Variants in PKP2 observed in about 807,000 individuals in gnomAD.
PKP2 encodes plakophilin-2.
A neutral mutation model predicts 83.4 loss-of-function variants in PKP2; 73 were observed. That is an observed-to-expected ratio of 0.88 (90% CI 0.72 to 1.06). The LOEUF (loss-of-function observed/expected upper bound fraction) is 1.06. Among genes scored for constraint, PKP2 ranks in the 50% least tolerant of loss-of-function variants. The probability of loss-of-function intolerance (pLI) is 0.00; values close to 1 mark genes in which losing one functional copy is unlikely to be tolerated. For synonymous variants in PKP2, 409 were observed against 430.4 expected, an observed-to-expected ratio of 0.95 and a Z score of 0.62; for missense variants, 966 against 1,065.4, an observed-to-expected ratio of 0.91 and a Z score of 1.30.
chr12:32,891,703 C>T (rs564579199), intron 1 of PKP2, among the ~76,000 whole-genome samples: 2 of 152,240 alleles, frequency 1.3e-5, no homozygotes, highest in Admixed American at 6.5e-5. Flanking sequence ...TAATTTCCTG[C>T]GTCTTATCTG....
chr12:32,807,222 C>T lies in PKP2; in HGVS notation c.2014-4666G>A, dbSNP rs145338588. ...GAGTTCTGTAGATATCTATCAGGTC[C>T]GCTTGATCCAGAGCTGAGTTAACTC... On this transcript the variant is annotated intron_variant, in intron 9 of 12. Coordinates refer to ENST00000340811, the MANE Select transcript of PKP2 (RefSeq NM_001005242.3). Among the ~76,000 whole-genome samples, 620 of 152,132 alleles carry T rather than the reference C, an allele frequency of 4.1e-3. 5 individuals are homozygous for T. The highest frequency in any genetic ancestry group is 0.014 in the African/African-American group (593 of 41,530).
chr12:32,798,925 T>A (rs975588394), intron 10 of PKP2, among the ~76,000 whole-genome samples: 5 of 152,112 alleles, frequency 3.3e-5, no homozygotes, highest in African/African-American at 1.2e-4. Flanking sequence ...TGGGATCCAA[T>A]TAAACTAAAA....
chr12:32,805,550 T>C (rs930607818), intron 9 of PKP2, among the ~76,000 whole-genome samples: 1 of 152,232 alleles, frequency 6.6e-6, no homozygotes, highest in African/African-American at 2.4e-5. Context: ...GCACCGTTTA[T>C]TAAATAGGGA....
chr12:32,842,660 C>T (rs950591980), intron 5 of PKP2, among the ~76,000 whole-genome samples: 6 of 152,156 alleles, frequency 3.9e-5, no homozygotes, highest in Non-Finnish European at 7.4e-5. Flanking sequence ...TCTCACTGCC[C>T]AGGCAACAAT....
intron 5 of PKP2, 111 bp from the exon 6 acceptor site, chr12:32,841,316 T>A: frequency 1.1e-6 from 1 of 878,956 alleles, no homozygotes; most frequent in African/African-American, 1.7e-5. Context: ...CATAAAAAAA[T>A]TTGGGGGGTT....
rs1057522716 is a variant in PKP2, at chr12:32,869,071, A to G, written c.1035-9T>C. 19 of 1,613,606 alleles carry G rather than the reference A, an allele frequency of 1.2e-5. No individual in the cohort carries two copies. The highest frequency in any genetic ancestry group is 1.5e-5 in the Non-Finnish European group (18 of 1,180,000). On this transcript the variant is annotated splice_polypyrimidine_tract_variant and intron_variant, in intron 3 of 12. Transcript: ENST00000340811. ...TCTCCATGTCTGCATTCCTAGACAAACAGGCACAGATTCAGCCAGATTCCA... is the reference window on the plus strand; with the variant it reads ...TCTCCATGTCTGCATTCCTAGACAAGCAGGCACAGATTCAGCCAGATTCCA...
At chr12:32,812,106 G>T (rs904666021) in intron 9 of PKP2, among the ~76,000 whole-genome samples, 11 of 128,684 alleles carry the variant, frequency 8.5e-5, no homozygotes, top group African/African-American at 3.0e-4. Context: ...GAAGGGAGCT[G>T]GGAGGGTTTT....
chr12:32,852,549 A>G (rs1956709307), intron 4 of PKP2, among the ~76,000 whole-genome samples: 2 of 152,236 alleles, frequency 1.3e-5, no homozygotes, highest in African/African-American at 4.8e-5. Flanking sequence ...TACTTCTAAC[A>G]TTAAGAAGCG....
chr12:32,834,897 C>G (rs1819447869), intron 6 of PKP2, among the ~76,000 whole-genome samples: 1 of 148,648 alleles, frequency 6.7e-6, no homozygotes, highest in African/African-American at 2.5e-5. Context: ...CAGGTCACAC[C>G]AATGCCCTAG....
At chr12:32,893,795 C>T (rs1957096162) in intron 1 of PKP2, 1 of 152,000 alleles carries the variant, frequency 6.6e-6, no homozygotes, top group African/African-American at 2.4e-5. Flanking sequence ...AATATTCATT[C>T]TGTTCCCTCC....
chr12:32,792,218 G>A lies in PKP2; in HGVS notation c.*206C>T, dbSNP rs1034404485. ...AAAGACCACTATTTGTCGAGCCTGT[G>A]GCCGGTATCTACTGGTGGCAAACTT... On this transcript the variant is annotated 3_prime_UTR_variant, in exon 13 of 13. Transcript: ENST00000340811. 7.2e-5 allele frequency: 44 copies of A among 610,570 alleles called. No homozygotes were observed. The highest frequency in any genetic ancestry group is 3.2e-4 in the Admixed American group (12 of 37,060). The allele number at this position is 610,570 out of a possible 1,614,324, so 37.8% of individuals were successfully genotyped here. A position where few individuals can be genotyped will look rare whatever the true frequency, so the allele number is the denominator to read the frequency against.
At chr12:32,802,890 C>T (rs1349934656) in intron 9 of PKP2, among the ~76,000 whole-genome samples, 1 of 151,514 alleles carries the variant, frequency 6.6e-6, no homozygotes, top group Admixed American at 6.6e-5. Context: ...GAACTCCTGA[C>T]TCAGGTGATC....
chr12:32,808,779 A>G (rs1956249047), intron 9 of PKP2, among the ~76,000 whole-genome samples: 1 of 152,120 alleles, frequency 6.6e-6, no homozygotes, highest in Non-Finnish European at 1.5e-5. Flanking sequence ...TAGCAACCAC[A>G]GGGCTGCTGT....
intron 10 of PKP2, among the ~76,000 whole-genome samples, chr12:32,800,927 A>C (rs1025077358): frequency 2.0e-5 from 3 of 152,260 alleles, no homozygotes; most frequent in Non-Finnish European, 4.4e-5. Flanking sequence ...ACTTTATTGC[A>C]GGTGAGAACA....
intron 1 of PKP2, 148 bp from the exon 2 acceptor site, chr12:32,879,180 C>T (rs1008282517): frequency 2.5e-5 from 17 of 669,898 alleles, no homozygotes; most frequent in African/African-American, 2.5e-4. Flanking sequence ...TTTTTAAATG[C>T]TAGTTTCACA....
intron 6 of PKP2, among the ~76,000 whole-genome samples, chr12:32,828,080 G>A (rs1249683388): frequency 6.6e-6 from 1 of 152,194 alleles, no homozygotes; most frequent in Non-Finnish European, 1.5e-5. Context: ...GTCCCAAATG[G>A]GAAGACGCCA....
intron 9 of PKP2, 132 bp from the exon 10 acceptor site, chr12:32,802,688 T>C: frequency 1.2e-6 from 1 of 826,748 alleles, no homozygotes; most frequent in Non-Finnish European, 1.9e-6. Context: ...AGACAAAGTC[T>C]CTCTCTGTCA....
intron 5 of PKP2, among the ~76,000 whole-genome samples, chr12:32,844,665 T>C (rs573651750): frequency 1.0e-3 from 159 of 152,296 alleles, no homozygotes; most frequent in Non-Finnish European, 1.4e-3. Context: ...CCCAGCTCTA[T>C]CACTAGAGGG....
intron 1 of PKP2, among the ~76,000 whole-genome samples, chr12:32,888,534 GGCTGGAGT>G (rs1278626117): frequency 1.3e-5 from 2 of 150,876 alleles, no homozygotes; most frequent in Non-Finnish European, 2.9e-5. Flanking sequence ...TTGTTGCCCA[GGCTGGAGT>G]GCAATGGCAC....
Sources: gnomAD v4.1 joint callset for allele counts (sites outside exome capture counted in the v4.1 genomes callset) on GRCh38, gnomAD v4.1.1 for gene constraint, MANE v1.5 for transcripts, NCBI Gene and HGNC (gene_info 2026-07-23, HGNC 2026-07-21) for gene names.